AFF2: variants seen among roughly 807,000 people sequenced by gnomAD.
AFF2 encodes the protein AF4/FMR2 family member 2.
AFF2 carries 14 observed loss-of-function variants against 76.9 expected under a neutral mutation model. The ratio of observed to expected loss-of-function variants is 0.18; its 90% CI spans 0.12 to 0.28. AFF2 has a LOEUF of 0.28. Among genes scored for constraint, AFF2 ranks in the 10% least tolerant of loss-of-function variants. The pLI, the probability that AFF2 is intolerant of heterozygous loss-of-function variation, is 1.00. For synonymous variants in AFF2, 398 were observed against 366.7 expected, an observed-to-expected ratio of 1.09 and a Z score of -0.98; for missense variants, 868 against 1,001.1, an observed-to-expected ratio of 0.87 and a Z score of 1.79.
intron 3 of AFF2, among the ~76,000 whole-genome samples, chrX:148,706,428 A>G (rs1334888260): frequency 8.9e-6 from 1 of 112,554 alleles, no homozygotes; most frequent in Admixed American, 9.4e-5. Flanking sequence ...CCAAAAAGCT[A>G]TCTGCCGTGG....
At chrX:148,630,270 C>A (rs1470642198) in intron 1 of AFF2, among the ~76,000 whole-genome samples, 1 of 111,896 alleles carries the variant, frequency 8.9e-6, no homozygotes, top group Non-Finnish European at 1.9e-5. Flanking sequence ...GCATTAAAGT[C>A]CCTCACTGGG....
intron 1 of AFF2, among the ~76,000 whole-genome samples, chrX:148,536,761 A>C (rs1173062734): frequency 8.9e-6 from 1 of 112,507 alleles, no homozygotes; most frequent in Non-Finnish European, 1.9e-5. Context: ...TTTAATTAGC[A>C]GTAGTGAACT....
At chrX:148,910,959 A>G (rs2124228456) in intron 9 of AFF2, among the ~76,000 whole-genome samples, 1 of 111,520 alleles carries the variant, frequency 9.0e-6, no homozygotes, top group African/African-American at 3.3e-5. Context: ...GATTATTTAC[A>G]TGGACATTCC....
chrX:148,968,672 A>G (rs2072210733), intron 15 of AFF2, among the ~76,000 whole-genome samples: 2 of 112,188 alleles, frequency 1.8e-5, no homozygotes, highest in Non-Finnish European at 3.8e-5. Context: ...TGGTCCTTAC[A>G]TCTGCCTTTT....
At chrX:148,712,891 TA>T (rs1172283907) in intron 3 of AFF2, among the ~76,000 whole-genome samples, 4 of 111,390 alleles carry the variant, frequency 3.6e-5, no homozygotes, top group Non-Finnish European at 7.5e-5. Context: ...ATAATGAAAA[TA>T]AGTGTGTAAA....
At chrX:148,948,387 A>C (rs782022557) in intron 9 of AFF2, among the ~76,000 whole-genome samples, 15 of 111,736 alleles carry the variant, frequency 1.3e-4, no homozygotes, top group Non-Finnish European at 2.8e-4. Context: ...AAACAGCCTC[A>C]CTTAAAATCC....
At chrX:148,601,839 C>T (rs2053629961) in intron 1 of AFF2, among the ~76,000 whole-genome samples, 2 of 111,962 alleles carry the variant, frequency 1.8e-5, no homozygotes, top group African/African-American at 6.5e-5. Flanking sequence ...TCCTATGTCT[C>T]CATTCAATAA....
At chrX:148,767,594 C>G (rs1172590270) in intron 3 of AFF2, among the ~76,000 whole-genome samples, 3 of 111,950 alleles carry the variant, frequency 2.7e-5, no homozygotes, top group African/African-American at 9.7e-5. Context: ...ATCCTAAACC[C>G]TGTGATTTCA....
intron 1 of AFF2, among the ~76,000 whole-genome samples, chrX:148,518,856 A>G (rs1557234160): frequency 8.9e-6 from 1 of 112,014 alleles, no homozygotes; most frequent in Non-Finnish European, 1.9e-5. Flanking sequence ...TAAAGTTTAG[A>G]AATATATGAC....
At chrX:148,941,700 T>A (rs2071836623) in intron 9 of AFF2, among the ~76,000 whole-genome samples, 1 of 107,837 alleles carries the variant, frequency 9.3e-6, no homozygotes, top group South Asian at 4.4e-4. Context: ...TTGGGCACTG[T>A]GTCATATGGC....
At chrX:148,811,389 T>C (rs1455441296) in intron 4 of AFF2, among the ~76,000 whole-genome samples, 4 of 111,339 alleles carry the variant, frequency 3.6e-5, no homozygotes, top group African/African-American at 1.3e-4. Flanking sequence ...CAGTCATCTG[T>C]CTCAGGGGCC....
At chrX:148,672,284 C>G (rs150917904) in intron 3 of AFF2, among the ~76,000 whole-genome samples, 1 of 112,124 alleles carries the variant, frequency 8.9e-6, no homozygotes, top group Non-Finnish European at 1.9e-5. Flanking sequence ...ATAACATAAA[C>G]CTGTTACCTT....
At chrX:148,549,874 A>G (rs1182382794) in intron 1 of AFF2, among the ~76,000 whole-genome samples, 1 of 112,311 alleles carries the variant, frequency 8.9e-6, no homozygotes, top group Non-Finnish European at 1.9e-5. Flanking sequence ...TTGGTTATTA[A>G]AAACAATATG....
At chrX:148,585,549 G>C (rs2053458142) in intron 1 of AFF2, among the ~76,000 whole-genome samples, 1 of 111,554 alleles carries the variant, frequency 9.0e-6, no homozygotes, top group African/African-American at 3.3e-5. Flanking sequence ...AATTTAAGAA[G>C]ACTGAGTAGG....
In AFF2 at chrX:148,996,932, A is replaced by G. The variant is rs2072608504; in HGVS notation, c.*5600A>G. ...TTTGTAACTTTTACATGTAACTAGG[A>G]TAAAGTATTTACGGGAACTCTATGG... On this transcript the variant is annotated 3_prime_UTR_variant, in exon 21 of 21. Coordinates refer to ENST00000370460, the MANE Select transcript of AFF2 (RefSeq NM_002025.4). 1 of 112,274 alleles carries G rather than the reference A, an allele frequency of 8.9e-6. No homozygotes were observed. The highest frequency in any genetic ancestry group is 3.2e-5 in the African/African-American group (1 of 30,819). The allele number at this position is 112,274 out of a possible 1,213,427, so 9.3% of individuals were successfully genotyped here.
chrX:148,620,665 A>T, intron 1 of AFF2, among the ~76,000 whole-genome samples: 1 of 110,726 alleles, frequency 9.0e-6, no homozygotes, highest in Non-Finnish European at 1.9e-5. Context: ...TGTGATTTTG[A>T]GCAAGTCTTT....
chrX:148,662,195 A>G lies in AFF2; in HGVS notation c.468A>G (p.Lys156=). The G allele has an allele frequency of 8.3e-7, 1 of 1,210,295 alleles. No homozygotes were observed. The highest frequency in any genetic ancestry group is 1.8e-5 in the South Asian group (1 of 56,969). Residue 156 remains lysine (K), a synonymous_variant, in exon 3 of 21, where the codon AAA becomes AAG. Coordinates refer to ENST00000370460, the MANE Select transcript of AFF2 (RefSeq NM_002025.4). ...STLIHSNRKS[K]PEWSRDSHNP... ...TAATACACAGCAACAGAAAATCAAA[A>G]CCTGAGTGGTCACGTGATAGTCATA...
intron 7 of AFF2, among the ~76,000 whole-genome samples, chrX:148,861,074 C>T (rs1387532322): frequency 9.0e-6 from 1 of 111,521 alleles, no homozygotes. Context: ...TTATTTGTGG[C>T]CACCAAGCAG....
intron 3 of AFF2, among the ~76,000 whole-genome samples, chrX:148,716,494 G>A (rs782452631): frequency 1.5e-4 from 17 of 111,475 alleles, no homozygotes; most frequent in Non-Finnish European, 3.2e-4. Flanking sequence ...TTGGTTGGGG[G>A]AGTGTTTCTA....
Sources: allele counts gnomAD v4.1 joint callset (sites outside exome capture counted in the v4.1 genomes callset), GRCh38; gene constraint gnomAD v4.1.1; transcripts MANE v1.5; gene names NCBI Gene and HGNC (gene_info 2026-07-23, HGNC 2026-07-21).